The following SDK1 variants were observed in gnomAD, a reference collection of about 807,000 sequenced individuals.
The protein encoded by SDK1 is protein sidekick-1.
Under a neutral mutation model 245.5 loss-of-function variants are expected in SDK1, and 157 were observed. The observed-to-expected ratio is 0.64, with a 90% CI of 0.56 to 0.73. The LOEUF (loss-of-function observed/expected upper bound fraction) is 0.73, where lower values mean the gene tolerates loss of function less well. SDK1 is among the 30% of genes least tolerant of loss of function. SDK1 has a pLI of 0.00. For synonymous variants in SDK1, 1,647 were observed against 1,278.5 expected (o/e 1.29, Z -6.15); for missense variants, 3,583 against 3,002.3 (o/e 1.19, Z -4.52).
chr7:4,227,416 G>A (rs568016867), intron 40 of SDK1: 7 of 471,160 alleles, frequency 1.5e-5, no homozygotes, highest in African/African-American at 1.0e-4. Flanking sequence ...ATGAGGATCC[G>A]ATGGAAGGTA....
rs1562412796 is a variant in SDK1 at position 3,321,818 on chromosome 7, TTCCTTCCTTC to T, written c.298+19935_298+19944del. Among the ~76,000 whole-genome samples, 180 of 132,300 alleles carry T rather than the reference TTCCTTCCTTC, an allele frequency of 1.4e-3. 4 individuals carry two copies. Among genetic ancestry groups the T allele is most frequent in the South Asian group, 9.9e-3 (35 of 3,530 alleles). The allele number at this position is 132,300 out of a possible 152,430, so 86.8% of individuals were successfully genotyped here. A position where few individuals can be genotyped will look rare whatever the true frequency, so the allele number is the denominator to read the frequency against. On this transcript the variant is annotated intron_variant, in intron 1 of 44. Coordinates refer to ENST00000404826, the MANE Select transcript of SDK1 (RefSeq NM_152744.4). ...CTTCCTTCCTTCCTTCCTTCCTTCC[TTCCTTCCTTC>T]CTCCTTTTCTCTCTCTCTCTCTCTC...
chr7:3,970,717 C>T (rs957921400), intron 11 of SDK1, among the ~76,000 whole-genome samples: 2 of 152,206 alleles, frequency 1.3e-5, no homozygotes, highest in African/African-American at 4.8e-5. Context: ...ACACTCTGCC[C>T]ACTTTAACCT....
chr7:3,921,782 A>G (rs1486692209), intron 5 of SDK1, among the ~76,000 whole-genome samples: 1 of 151,952 alleles, frequency 6.6e-6, no homozygotes, highest in Non-Finnish European at 1.5e-5. Flanking sequence ...CCTGGGCAAT[A>G]TTACCAGACC....
At chr7:3,584,771 T>G (rs1318446928) in intron 1 of SDK1, among the ~76,000 whole-genome samples, 1 of 151,362 alleles carries the variant, frequency 6.6e-6, no homozygotes, top group Non-Finnish European at 1.5e-5. Flanking sequence ...TCCCCCAGGC[T>G]GGAGTGCAGT....
intron 25 of SDK1, among the ~76,000 whole-genome samples, chr7:4,124,374 G>A (rs1213969656): frequency 6.6e-6 from 1 of 152,168 alleles, no homozygotes; most frequent in African/African-American, 2.4e-5. Context: ...TCCAGCATCT[G>A]GTGGTTCCGT....
intron 4 of SDK1, among the ~76,000 whole-genome samples, chr7:3,691,690 C>A (rs1199083838): frequency 6.6e-6 from 1 of 152,208 alleles, no homozygotes; most frequent in African/African-American, 2.4e-5. Context: ...CCAACACAAA[C>A]ACACACCCCT....
chr7:3,543,243 T>C (rs941286990), intron 1 of SDK1, among the ~76,000 whole-genome samples: 2 of 152,246 alleles, frequency 1.3e-5, no homozygotes, highest in African/African-American at 4.8e-5. Context: ...TGAAATGGCA[T>C]TAGTGATAGG....
At chr7:3,999,628 T>A (rs887270980) in intron 14 of SDK1, among the ~76,000 whole-genome samples, 10 of 152,056 alleles carry the variant, frequency 6.6e-5, no homozygotes, top group African/African-American at 2.4e-4. Context: ...AAAATGGGAG[T>A]TCAGGAAATT....
At chr7:3,838,802 C>G (rs959698700) in intron 5 of SDK1, among the ~76,000 whole-genome samples, 5 of 152,130 alleles carry the variant, frequency 3.3e-5, no homozygotes, top group African/African-American at 1.2e-4. Flanking sequence ...AATGTTTGCA[C>G]TCTTGTCTTT....
intron 4 of SDK1, among the ~76,000 whole-genome samples, chr7:3,652,076 A>G (rs1282364647): frequency 1.3e-5 from 2 of 152,184 alleles, no homozygotes; most frequent in African/African-American, 4.8e-5. Flanking sequence ...TATGTTCTCT[A>G]GTTAGGAAAT....
intron 1 of SDK1, among the ~76,000 whole-genome samples, chr7:3,344,751 T>C (rs1294820619): frequency 1.3e-5 from 2 of 152,202 alleles, no homozygotes; most frequent in Non-Finnish European, 2.9e-5. Context: ...ATAATTTACC[T>C]TTTCATATAT....
chr7:3,595,395 T>A (rs1240885295), intron 1 of SDK1, among the ~76,000 whole-genome samples: 3 of 152,164 alleles, frequency 2.0e-5, no homozygotes, highest in Non-Finnish European at 4.4e-5. Flanking sequence ...GGATTATCTT[T>A]GATTGCTTTT....
intron 1 of SDK1, among the ~76,000 whole-genome samples, chr7:3,371,592 G>A (rs1046757016): frequency 6.6e-6 from 1 of 152,164 alleles, no homozygotes; most frequent in Non-Finnish European, 1.5e-5. Context: ...ACTGCAATGA[G>A]ACTTAAAATC....
chr7:3,821,694 T>C, intron 5 of SDK1, 111 bp downstream of exon 5: 2 of 1,174,808 alleles, frequency 1.7e-6, no homozygotes, highest in Non-Finnish European at 2.4e-6. Context: ...TCTAGTGTAG[T>C]AGTTACGGTT....
chr7:3,826,931 C>T (rs1362950713), intron 5 of SDK1, among the ~76,000 whole-genome samples: 2 of 152,108 alleles, frequency 1.3e-5, no homozygotes, highest in Non-Finnish European at 2.9e-5. Flanking sequence ...AGCAAGACTT[C>T]ACTCACCACA....
At chr7:3,345,718 T>C (rs1031119565) in intron 1 of SDK1, among the ~76,000 whole-genome samples, 4 of 152,202 alleles carry the variant, frequency 2.6e-5, no homozygotes, top group Non-Finnish European at 5.9e-5. Context: ...TGCCTTGCCG[T>C]CTCTTTCCTG....
intron 14 of SDK1, 73 bp from the exon 15 acceptor site, chr7:4,010,893 C>A: frequency 6.7e-7 from 1 of 1,484,340 alleles, no homozygotes; most frequent in Non-Finnish European, 9.3e-7. Flanking sequence ...CCTGAGAAAG[C>A]CTTTGCATTC....
chr7:4,214,417 C>T (rs1368595321), intron 38 of SDK1, among the ~76,000 whole-genome samples: 3 of 152,236 alleles, frequency 2.0e-5, no homozygotes, highest in East Asian at 1.9e-4. Flanking sequence ...CAAGACCGTC[C>T]GTCACCAGCC....
chr7:4,126,169 C>T (rs765649747), intron 25 of SDK1, among the ~76,000 whole-genome samples: 2 of 152,220 alleles, frequency 1.3e-5, no homozygotes, highest in Admixed American at 6.5e-5. Context: ...CTCCTCCATG[C>T]TGTTTATAAA....
Sources: gnomAD v4.1 joint callset for allele counts (sites outside exome capture counted in the v4.1 genomes callset) on GRCh38, gnomAD v4.1.1 for gene constraint, MANE v1.5 for transcripts, NCBI Gene and HGNC (gene_info 2026-07-23, HGNC 2026-07-21) for gene names.